The following DPH5 variants were observed in gnomAD, a reference collection of about 807,000 sequenced individuals.
The protein encoded by DPH5 is diphthamide biosynthesis 5.
A neutral mutation model predicts 31.6 loss-of-function variants in DPH5; 31 were observed. The ratio of observed to expected loss-of-function variants is 0.98; its 90% CI spans 0.74 to 1.32. The LOEUF (loss-of-function observed/expected upper bound fraction) is 1.32. Ranked by LOEUF, DPH5 falls within the 40% of genes most tolerant of loss-of-function variation. The probability of loss-of-function intolerance (pLI) is 0.00; values close to 1 mark genes in which losing one functional copy is unlikely to be tolerated. For missense variants in DPH5, 309 were observed against 335.7 expected (o/e 0.92, Z 0.62); for synonymous variants, 120 against 115.0 (o/e 1.04, Z -0.28).
At position 100,993,744 on chromosome 1, in the gene DPH5, A is replaced by T. The variant is rs532125536; in HGVS notation, c.531-1004T>A. Among the ~76,000 whole-genome samples, 6 of 150,880 alleles carry T rather than the reference A, an allele frequency of 4.0e-5. No homozygotes were observed. In the South Asian group the frequency reaches 1.3e-3, roughly 32 times the overall value. On this transcript the variant is annotated intron_variant, in intron 6 of 7. Coordinates refer to ENST00000370109, the MANE Select transcript of DPH5 (RefSeq NM_015958.3). Reference sequence around the variant, plus strand: ...CCATATTAACAAAAAAGTTTGTAAAAAGGCAATTTTTTTTTTTAAGACAGT... The same window carrying T: ...CCATATTAACAAAAAAGTTTGTAAATAGGCAATTTTTTTTTTTAAGACAGT...
At chr1:101,020,385 T>C (rs1660362669) in intron 3 of DPH5, among the ~76,000 whole-genome samples, 1 of 152,154 alleles carries the variant, frequency 6.6e-6, no homozygotes, top group Non-Finnish European at 1.5e-5. Flanking sequence ...GAATAGTCTC[T>C]TTTCCTGGCT....
chr1:101,021,582 TCTTA>T (rs1253345883), intron 3 of DPH5, 55 bp downstream of exon 3: 1 of 1,550,492 alleles, frequency 6.4e-7, no homozygotes, highest in East Asian at 2.3e-5. Flanking sequence ...ATAGAATAAT[TCTTA>T]CTGATTAAAA....
chr1:101,015,106 T>C (rs2101260398), intron 3 of DPH5, among the ~76,000 whole-genome samples: 1 of 152,318 alleles, frequency 6.6e-6, no homozygotes, highest in Non-Finnish European at 1.5e-5. Context: ...CCTCTTCTCA[T>C]GAATCATGAA....
intron 4 of DPH5, among the ~76,000 whole-genome samples, chr1:101,008,236 A>G (rs187865877): frequency 3.7e-4 from 57 of 152,330 alleles, no homozygotes; most frequent in Non-Finnish European, 6.3e-4. Context: ...TCTTAAGTAA[A>G]ACATCAATAG....
intron 5 of DPH5, among the ~76,000 whole-genome samples, chr1:100,999,189 C>T (rs1254484668): frequency 3.3e-5 from 5 of 152,160 alleles, no homozygotes; most frequent in African/African-American, 9.7e-5. Flanking sequence ...GTGGTTCACT[C>T]ATCTAAGCCC....
chr1:100,994,708 G>A (rs1658172782), intron 6 of DPH5, among the ~76,000 whole-genome samples: 1 of 152,076 alleles, frequency 6.6e-6, no homozygotes, highest in African/African-American at 2.4e-5. Context: ...TCCATTTTTA[G>A]TAGAGACGTG....
chr1:101,012,759 T>C (rs1659793818), intron 4 of DPH5, among the ~76,000 whole-genome samples: 1 of 152,212 alleles, frequency 6.6e-6, no homozygotes, highest in Non-Finnish European at 1.5e-5. Context: ...GTCAATCATT[T>C]ATACTTTTTC....
At chr1:101,014,214 A>G (rs1000507079) in intron 3 of DPH5, among the ~76,000 whole-genome samples, 2 of 152,180 alleles carry the variant, frequency 1.3e-5, no homozygotes, top group African/African-American at 4.8e-5. Context: ...AAAATTCTAA[A>G]TTAGGGCATA....
chr1:100,990,610 C>A lies in DPH5; in HGVS notation c.656G>T (p.Cys219Phe). The A allele has an allele frequency of 1.2e-6, 2 of 1,614,024 alleles. No homozygotes were observed. The highest frequency in any genetic ancestry group is 1.1e-5 in the South Asian group (1 of 91,082). Residue 219 changes from cysteine to phenylalanine, a missense_variant, in exon 8 of 8, where the codon TGT becomes TTT. Coordinates refer to ENST00000370109, the MANE Select transcript of DPH5 (RefSeq NM_015958.3). ...EEPAVTEETL[C>F]VGLARVGADD... ...GGCTCCAACCCTGGCTAAGCCAACACAAAGTGTCTCCTCGGTAACTGCTAT... is the reference window on the plus strand; with the variant it reads ...GGCTCCAACCCTGGCTAAGCCAACAAAAAGTGTCTCCTCGGTAACTGCTAT...
Position 100,990,337 on chromosome 1 carries a change from G to A in DPH5, c.*71C>T, listed in dbSNP as rs1009713025. 28 of 1,370,748 alleles carry A rather than the reference G, an allele frequency of 2.0e-5. No individual in the cohort carries two copies. The highest frequency in any genetic ancestry group is 2.9e-5 in the Non-Finnish European group (28 of 970,322). The allele number at this position is 1,370,748 out of a possible 1,614,324, so 84.9% of individuals were successfully genotyped here. A position where few individuals can be genotyped will look rare whatever the true frequency, so the allele number is the denominator to read the frequency against. The stretch of plus-strand genomic sequence containing the variant: ...TTAAAATTCAAGATGAGACTTGGGT[G>A]GGGATACATCCAAACCATATCAATC... On this transcript the variant is annotated 3_prime_UTR_variant, in exon 8 of 8. Coordinates refer to ENST00000370109, the MANE Select transcript of DPH5 (RefSeq NM_015958.3).
intron 2 of DPH5, among the ~76,000 whole-genome samples, chr1:101,021,990 A>G (rs1475392192): frequency 1.3e-5 from 2 of 152,220 alleles, no homozygotes; most frequent in African/African-American, 4.8e-5. Flanking sequence ...TTAATATCCC[A>G]AAGGAGGCGG....
intron 4 of DPH5, among the ~76,000 whole-genome samples, chr1:101,008,594 G>A (rs958102255): frequency 1.3e-5 from 2 of 152,044 alleles, no homozygotes; most frequent in African/African-American, 2.4e-5. Flanking sequence ...TCTAAGCCTC[G>A]TGTTAACTGA....
At position 100,990,585 on chromosome 1, in the gene DPH5, G is replaced by A. The variant is rs1245821332; in HGVS notation, c.681C>T (p.Ala227=). The A allele has an allele frequency of 9.3e-6, 15 of 1,613,774 alleles. No individual in the cohort carries two copies. In the African/African-American group the frequency reaches 1.1e-4, roughly 12 times the overall value. Residue 227 remains alanine, a synonymous_variant, in exon 8 of 8, where the codon GCC becomes GCT. Transcript: ENST00000370109. ...TLCVGLARVG[A]DDQKIAAGTL... ...TGCCTGCTGCAATTTTCTGGTCGTC[G>A]GCTCCAACCCTGGCTAAGCCAACAC...
chr1:101,019,029 A>G (rs778589217), intron 3 of DPH5, among the ~76,000 whole-genome samples: 3 of 152,210 alleles, frequency 2.0e-5, no homozygotes, highest in Non-Finnish European at 4.4e-5. Context: ...CAACATAGGG[A>G]TAAAAATTTT....
intron 4 of DPH5, among the ~76,000 whole-genome samples, chr1:101,001,991 A>G (rs1002428204): frequency 6.6e-6 from 1 of 152,186 alleles, no homozygotes; most frequent in African/African-American, 2.4e-5. Context: ...CAAGGCTTAG[A>G]AAGAGCAACT....
rs71084857 is a variant in DPH5 at position 100,991,788 on chromosome 1, C to CAAAAAAA, written c.634+842_634+848dup. ...TGGGCAACAAAGCAAGACCCCATCTCAAAAAAAAAAAAAAAGTCTCACAGT... is the reference window on the plus strand; with the variant it reads ...TGGGCAACAAAGCAAGACCCCATCTCAAAAAAAAAAAAAAAAAAAAAAGTCTCACAGT... On this transcript the variant is annotated intron_variant, in intron 7 of 7. Transcript: ENST00000370109. 2.7e-4 allele frequency among the ~76,000 whole-genome samples: 27 copies of CAAAAAAA among 101,064 alleles called. 1 individual carries two copies. The highest frequency in any genetic ancestry group is 4.0e-4 in the Non-Finnish European group (20 of 49,822). 66.3% of individuals were successfully genotyped at this position (101,064 alleles called of 152,430 possible). A position where few individuals can be genotyped will look rare whatever the true frequency, so the allele number is the denominator to read the frequency against.
At chr1:101,019,043 T>C (rs1452259690) in intron 3 of DPH5, among the ~76,000 whole-genome samples, 1 of 152,164 alleles carries the variant, frequency 6.6e-6, no homozygotes, top group Non-Finnish European at 1.5e-5. Context: ...AAATTTTGTA[T>C]TCATTATAAT....
At chr1:101,015,777 C>A (rs1328395312) in intron 3 of DPH5, among the ~76,000 whole-genome samples, 2 of 152,220 alleles carry the variant, frequency 1.3e-5, no homozygotes, top group Non-Finnish European at 2.9e-5. Flanking sequence ...CTTGTTTCCA[C>A]AGCTCATACA....
At chr1:101,007,243 CTTT>C (rs1659297965) in intron 4 of DPH5, among the ~76,000 whole-genome samples, 1 of 151,930 alleles carries the variant, frequency 6.6e-6, no homozygotes, top group African/African-American at 2.4e-5. Flanking sequence ...ACTATGGATG[CTTT>C]TTTATTTTCT....
Sources: allele counts gnomAD v4.1 joint callset (sites outside exome capture counted in the v4.1 genomes callset), GRCh38; gene constraint gnomAD v4.1.1; transcripts MANE v1.5; gene names NCBI Gene and HGNC (gene_info 2026-07-23, HGNC 2026-07-21).